Variants in USP13 observed in about 807,000 individuals in gnomAD.
The protein encoded by USP13 is ubiquitin specific peptidase 13, also known as ubiquitin carboxyl-terminal hydrolase 13.
In USP13, 68 loss-of-function variants were observed where a neutral mutation model predicts 107.8. The observed-to-expected ratio is 0.63, with a 90% CI of 0.52 to 0.77. USP13 has a LOEUF of 0.77. USP13 is among the 30% of genes least tolerant of loss of function. The pLI is 0.00. For missense variants in USP13, 945 were observed against 1,093.3 expected (o/e 0.86, Z 1.91); for synonymous variants, 377 against 389.5 (o/e 0.97, Z 0.38).
intron 2 of USP13, among the ~76,000 whole-genome samples, chr3:179,689,392 C>G (rs932916785): frequency 6.6e-6 from 1 of 151,952 alleles, no homozygotes; most frequent in Non-Finnish European, 1.5e-5. Flanking sequence ...GGTGCGGTGG[C>G]TCACACCTGT....
intron 7 of USP13, among the ~76,000 whole-genome samples, chr3:179,720,997 C>T (rs1488312270): frequency 2.6e-5 from 4 of 151,972 alleles, no homozygotes; most frequent in Non-Finnish European, 4.4e-5. Flanking sequence ...TTAGTAGAGA[C>T]GGGGTTTTGC....
chr3:179,705,512 A>C (rs1007882644), intron 4 of USP13, among the ~76,000 whole-genome samples: 1 of 152,120 alleles, frequency 6.6e-6, no homozygotes, highest in South Asian at 2.1e-4. Flanking sequence ...CTTTCATATA[A>C]ATGGAATCAT....
chr3:179,681,982 C>T lies in USP13; in HGVS notation c.273C>T (p.His91=), dbSNP rs1711676129. The change falls in exon 2 of 21, where the codon CAC becomes CAT. Residue 91 remains histidine (H), a synonymous_variant. Transcript: ENST00000263966. ...AAACTGGACAGAGTGTATACATGCA[C>T]CTGAAAAGACATGTGCGAGAGGTGA... is the stretch of plus-strand genomic sequence containing the variant. The part of the protein sequence containing the change: ...FRKTGQSVYM[H]LKRHVREKVR... The T allele has an allele frequency of 1.2e-6, 2 of 1,613,236 alleles. No individual in the cohort carries two copies. The highest frequency in any genetic ancestry group is 8.5e-7 in the Non-Finnish European group (1 of 1,179,556).
At chr3:179,745,538 C>T (rs528384287) in intron 13 of USP13, among the ~76,000 whole-genome samples, 1 of 151,600 alleles carries the variant, frequency 6.6e-6, no homozygotes, top group African/African-American at 2.4e-5. Context: ...TTCTTCCTTC[C>T]TTCCTTCCTC....
At chr3:179,740,753 C>A (rs369639367) in intron 11 of USP13, among the ~76,000 whole-genome samples, 1 of 151,872 alleles carries the variant, frequency 6.6e-6, no homozygotes, top group Admixed American at 6.6e-5. Flanking sequence ...ACATCAGAAT[C>A]GAATGCCATT....
At chr3:179,726,899 C>T (rs1326996871) in intron 8 of USP13, among the ~76,000 whole-genome samples, 1 of 151,862 alleles carries the variant, frequency 6.6e-6, no homozygotes, top group Non-Finnish European at 1.5e-5. Flanking sequence ...AGGCTGGTCT[C>T]AACTCTTGGG....
intron 20 of USP13, among the ~76,000 whole-genome samples, chr3:179,783,837 G>A (rs373702895): frequency 1.1e-4 from 16 of 149,732 alleles, no homozygotes; most frequent in African/African-American, 3.7e-4. Flanking sequence ...CCAGCCTGGG[G>A]AATAGAATGA....
In USP13 at chr3:179,740,355, C is replaced by G; in HGVS notation, c.1363C>G (p.Leu455Val). 1 of 1,614,080 alleles carries G rather than the reference C, an allele frequency of 6.2e-7. No individual in the cohort carries two copies. Among genetic ancestry groups the G allele is most frequent in the Non-Finnish European group, 8.5e-7 (1 of 1,179,996 alleles). The change falls in exon 11 of 21, where the codon CTG (leucine) becomes GTG (valine). Residue 455 changes from leucine to valine, a missense_variant. Transcript: ENST00000263966. ...QQDAQEFFLH[L>V]VNLVERNRIG... ...AGATGCCCAGGAATTCTTCTTGCAC[C>G]TGGTGAATCTAGTAGAGGTGAGTAG...
chr3:179,657,650 G>A (rs1397401737), intron 1 of USP13, among the ~76,000 whole-genome samples: 1 of 149,758 alleles, frequency 6.7e-6, no homozygotes, highest in East Asian at 2.0e-4. Flanking sequence ...TGTAGTCCCA[G>A]CTACTCGGGA....
Position 179,656,011 on chromosome 3 carries a change from G to A in USP13, c.168+2618G>A, listed in dbSNP as rs1233006822. On this transcript the variant is annotated intron_variant, in intron 1 of 20. Coordinates refer to ENST00000263966, the MANE Select transcript of USP13 (RefSeq NM_003940.3). ...AGAAACTTTAATCCACAAGTGCCAC[G>A]GGATGTCTTAGGGAAAAGGCCAAAA... is the stretch of plus-strand genomic sequence containing the variant. Among the ~76,000 whole-genome samples, 6 of 152,148 alleles carry A rather than the reference G, an allele frequency of 3.9e-5. No homozygotes were observed. In the East Asian group the frequency reaches 5.8e-4, roughly 15 times the overall value.
At chr3:179,761,029 T>A in intron 16 of USP13, 83 bp from the exon 17 acceptor site, 1 of 1,527,486 alleles carries the variant, frequency 6.5e-7, no homozygotes, top group Non-Finnish European at 9.0e-7. Context: ...TTGGGTAGCA[T>A]GTGGATAGGA....
Position 179,784,204 on chromosome 3 carries a change from AG to A in USP13, c.*64del. On this transcript the variant is annotated 3_prime_UTR_variant, in exon 21 of 21. Transcript: ENST00000263966. ...CCTTTTTAATTTGCCAAAAAAAAAAAGAAGAAGAAGAAGTTGAAACAACTAG... is the reference window on the plus strand; with the variant it reads ...CCTTTTTAATTTGCCAAAAAAAAAAAAAGAAGAAGAAGTTGAAACAACTAG... The A allele has an allele frequency of 5.6e-5, 64 of 1,147,658 alleles. No homozygotes were observed. The highest frequency in any genetic ancestry group is 7.5e-5 in the Non-Finnish European group (60 of 796,888). 71.1% of individuals were successfully genotyped at this position (1,147,658 alleles called of 1,614,324 possible). A position where few individuals can be genotyped will look rare whatever the true frequency, so the allele number is the denominator to read the frequency against.
At chr3:179,732,017 T>C (rs1713825094) in intron 10 of USP13, among the ~76,000 whole-genome samples, 1 of 149,368 alleles carries the variant, frequency 6.7e-6, no homozygotes, top group African/African-American at 2.5e-5. Flanking sequence ...GGAAAGAACA[T>C]ATAGAGGCAG....
rs73883589 is a variant in USP13 at position 179,653,628 on chromosome 3, G to A, written c.168+235G>A. ...CAGCCTCCCCAGGCTGGAAGGGCCC[G>A]ATTCCCAGCAGCTTGCACACAGCCC... On this transcript the variant is annotated intron_variant, in intron 1 of 20. Coordinates refer to ENST00000263966, the MANE Select transcript of USP13 (RefSeq NM_003940.3). This position sits in a 1 kb window ranked among gnomAD's most constrained non-coding sequence, Gnocchi z 4.0. 88,810 of 543,730 alleles carry A rather than the reference G, an allele frequency of 0.16. 7,672 individuals carry two copies. Among genetic ancestry groups the A allele is most frequent in the African/African-American group, 0.22 (11,371 of 50,818 alleles). 33.7% of individuals were successfully genotyped at this position (543,730 alleles called of 1,614,324 possible).
At position 179,764,109 on chromosome 3, in the gene USP13, G is replaced by A; in HGVS notation, c.2200G>A (p.Ala734Thr). 2 of 1,614,004 alleles carry A rather than the reference G, an allele frequency of 1.2e-6. No homozygotes were observed. The highest frequency in any genetic ancestry group is 1.7e-6 in the Non-Finnish European group (2 of 1,180,002). The change falls in exon 18 of 21, where the codon GCT (alanine) becomes ACT (threonine). Residue 734 changes from alanine to threonine, a missense_variant. By Grantham distance (58) the Ala-to-Thr change is moderately conservative (BLOSUM62 0). Coordinates refer to ENST00000263966, the MANE Select transcript of USP13 (RefSeq NM_003940.3). ...TAACCAACCTCCAGAGGAAATCGTA[G>A]CTATCATCACCTCCATGGGATTTCA... The part of the protein sequence containing the change: ...LDNQPPEEIV[A>T]IITSMGFQRN...
intron 1 of USP13, among the ~76,000 whole-genome samples, chr3:179,661,079 C>T (rs567205285): frequency 2.0e-5 from 3 of 152,272 alleles, no homozygotes; most frequent in African/African-American, 7.2e-5. Context: ...TTGCATGTCA[C>T]GTAGCCTTGG....
At chr3:179,654,204 A>C (rs1720181853) in intron 1 of USP13, among the ~76,000 whole-genome samples, 1 of 90,838 alleles carries the variant, frequency 1.1e-5, no homozygotes, top group South Asian at 4.4e-4. Context: ...ACAGAGCGAG[A>C]CTCCGTCTCA....
chr3:179,705,209 G>A (rs1712670159), intron 4 of USP13, among the ~76,000 whole-genome samples: 1 of 152,130 alleles, frequency 6.6e-6, no homozygotes, highest in African/African-American at 2.4e-5. Context: ...CAGAAGCCAG[G>A]ACCCAGACAC....
At chr3:179,764,252 C>T (rs1408726893) in intron 18 of USP13, 84 bp downstream of exon 18, 5 of 1,478,464 alleles carry the variant, frequency 3.4e-6, no homozygotes, top group Non-Finnish European at 4.5e-6. Context: ...TTCCAATGTA[C>T]TTTGATCATT....
Sources: gnomAD v4.1 joint callset for allele counts (sites outside exome capture counted in the v4.1 genomes callset) on GRCh38, gnomAD v4.1.1 for gene constraint, Gnocchi (gnomAD v3.1) non-coding constraint, MANE v1.5 for transcripts, NCBI Gene and HGNC (gene_info 2026-07-23, HGNC 2026-07-21) for gene names.